TMTC2: variants seen among roughly 807,000 people sequenced by gnomAD.
TMTC2 encodes protein O-mannosyl-transferase TMTC2.
TMTC2 carries 43 observed loss-of-function variants against 82.4 expected under a neutral mutation model. That is an observed-to-expected ratio of 0.52 (90% confidence interval 0.41 to 0.67). TMTC2 has a LOEUF of 0.67. TMTC2 is among the 30% of genes least tolerant of loss of function. The probability of loss-of-function intolerance (pLI) is 0.00; values close to 1 mark genes in which losing one functional copy is unlikely to be tolerated. For missense variants in TMTC2, 919 were observed against 1,012.4 expected (o/e 0.91, Z 1.25); for synonymous variants, 408 against 381.9 (o/e 1.07, Z -0.80).
At chr12:82,776,930 T>C (rs1306708574) in intron 1 of TMTC2, among the ~76,000 whole-genome samples, 2 of 152,082 alleles carry the variant, frequency 1.3e-5, no homozygotes, top group Non-Finnish European at 2.9e-5. Flanking sequence ...ACAGACCCCA[T>C]CTCTAAAACA....
At chr12:82,766,582 T>G (rs1225527863) in intron 1 of TMTC2, among the ~76,000 whole-genome samples, 2 of 152,156 alleles carry the variant, frequency 1.3e-5, no homozygotes, top group African/African-American at 4.8e-5. Context: ...ATAGTTGCAT[T>G]TTTTAGCCTA....
chr12:83,032,385 T>G (rs1388825642), intron 9 of TMTC2, among the ~76,000 whole-genome samples: 1 of 150,908 alleles, frequency 6.6e-6, no homozygotes, highest in Non-Finnish European at 1.5e-5. Context: ...GTTGGCCCCC[T>G]TATTAATCTG....
At chr12:82,735,740 G>A (rs1052700254) in intron 1 of TMTC2, among the ~76,000 whole-genome samples, 1 of 151,806 alleles carries the variant, frequency 6.6e-6, no homozygotes, top group Admixed American at 6.6e-5. Context: ...CCCGAGTCAG[G>A]TGGATCATGA....
intron 2 of TMTC2, among the ~76,000 whole-genome samples, chr12:82,876,057 G>GTGT (rs1345121980): frequency 7.3e-6 from 1 of 137,048 alleles, no homozygotes; most frequent in Non-Finnish European, 1.6e-5. Flanking sequence ...GGTGGTGGTG[G>GTGT]TGGTGGTGGT....
chr12:82,763,486 T>C (rs1266478797), intron 1 of TMTC2, among the ~76,000 whole-genome samples: 1 of 152,200 alleles, frequency 6.6e-6, no homozygotes, highest in Non-Finnish European at 1.5e-5. Flanking sequence ...CAATAACCCT[T>C]TGAAAACTTG....
At chr12:83,032,257 T>TTTTA (rs1281689866) in intron 9 of TMTC2, among the ~76,000 whole-genome samples, 1 of 130,858 alleles carries the variant, frequency 7.6e-6, no homozygotes, top group Non-Finnish European at 1.6e-5. Context: ...AGAGAATATT[T>TTTTA]TATATATATA....
At chr12:83,040,126 T>A (rs548457328) in intron 9 of TMTC2, among the ~76,000 whole-genome samples, 6 of 152,316 alleles carry the variant, frequency 3.9e-5, no homozygotes, top group Admixed American at 3.9e-4. Context: ...TTACCCCTAT[T>A]TTACGGATAT....
intron 1 of TMTC2, among the ~76,000 whole-genome samples, chr12:82,799,944 T>G (rs1163554417): frequency 2.0e-5 from 3 of 152,114 alleles, no homozygotes; most frequent in Admixed American, 6.6e-5. Context: ...CCCAGTCAAT[T>G]TCTCTGGCCT....
intron 8 of TMTC2, among the ~76,000 whole-genome samples, chr12:82,994,636 A>G (rs1369540960): frequency 6.6e-6 from 1 of 152,086 alleles, no homozygotes; most frequent in African/African-American, 2.4e-5. Flanking sequence ...AACTAAAAAA[A>G]AAAAAAAAAG....
intron 4 of TMTC2, among the ~76,000 whole-genome samples, chr12:82,937,756 A>G (rs767366968): frequency 0.17 from 4,111 of 24,062 alleles, 208 homozygotes; most frequent in Non-Finnish European, 0.21. Context: ...GTGTGTATAT[A>G]TATATATATA....
Position 82,973,712 on chromosome 12 carries a change from A to G in TMTC2, c.1948+6715A>G, listed in dbSNP as rs12315793. 9.0e-3 allele frequency among the ~76,000 whole-genome samples: 1,372 copies of G among 152,314 alleles called. 21 individuals carry two copies. The highest frequency in any genetic ancestry group is 0.031 in the African/African-American group (1,300 of 41,560). ...TTCAGCTGCATTAAGTAGGTAATATATTTTGTTTAAAGTTTCAATTAAACC... is the reference window on the plus strand; with the variant it reads ...TTCAGCTGCATTAAGTAGGTAATATGTTTTGTTTAAAGTTTCAATTAAACC... On this transcript the variant is annotated intron_variant, in intron 7 of 11. Transcript: ENST00000321196.
chr12:82,819,483 T>C (rs1311420770), intron 1 of TMTC2, among the ~76,000 whole-genome samples: 1 of 150,508 alleles, frequency 6.6e-6, no homozygotes, highest in East Asian at 1.9e-4. Flanking sequence ...ATAGTACTTT[T>C]TCTTTCTCTC....
At chr12:83,017,060 A>G (rs1305627961) in intron 8 of TMTC2, among the ~76,000 whole-genome samples, 1 of 152,230 alleles carries the variant, frequency 6.6e-6, no homozygotes, top group Non-Finnish European at 1.5e-5. Context: ...GGAGAAGATG[A>G]ATGGAAACTT....
chr12:83,022,842 T>G (rs545436309), intron 8 of TMTC2, among the ~76,000 whole-genome samples: 11 of 152,356 alleles, frequency 7.2e-5, no homozygotes, highest in African/African-American at 2.4e-4. Flanking sequence ...GCCTGCTTAT[T>G]TCATTTAGCA....
At chr12:82,746,584 AG>A (rs1875703892) in intron 1 of TMTC2, among the ~76,000 whole-genome samples, 1 of 152,198 alleles carries the variant, frequency 6.6e-6, no homozygotes, top group African/African-American at 2.4e-5. Flanking sequence ...AAAGAAGAGA[AG>A]CTAGGGTCCT....
intron 3 of TMTC2, among the ~76,000 whole-genome samples, chr12:82,924,488 G>A (rs771711327): frequency 6.6e-6 from 1 of 152,132 alleles, no homozygotes; most frequent in Non-Finnish European, 1.5e-5. Context: ...GCTGGTAATT[G>A]TGTATAATTG....
chr12:82,687,783 G>C, intron 1 of TMTC2, 114 bp downstream of exon 1: 1 of 1,005,774 alleles, frequency 9.9e-7, no homozygotes, highest in Non-Finnish European at 1.5e-6. Flanking sequence ...TTCAGCACCT[G>C]ATGGTTTAGG....
intron 6 of TMTC2, 120 bp from the exon 7 acceptor site, chr12:82,966,799 G>T (rs1878232410): frequency 1.6e-6 from 1 of 637,050 alleles, no homozygotes; most frequent in Admixed American, 3.2e-5. Context: ...TTCCTCTAGT[G>T]AACCATTTAG....
At chr12:82,939,522 A>G (rs968505821) in intron 4 of TMTC2, among the ~76,000 whole-genome samples, 4 of 152,066 alleles carry the variant, frequency 2.6e-5, no homozygotes, top group Non-Finnish European at 5.9e-5. Flanking sequence ...CTCTGGATTC[A>G]TTATTTTTTT....
Sources: gnomAD v4.1 joint callset for allele counts (sites outside exome capture counted in the v4.1 genomes callset) on GRCh38, gnomAD v4.1.1 for gene constraint, MANE v1.5 for transcripts, NCBI Gene and HGNC (gene_info 2026-07-23, HGNC 2026-07-21) for gene names.